PIEZO2: variants seen among roughly 807,000 people sequenced by gnomAD.
PIEZO2 encodes the protein piezo-type mechanosensitive ion channel component 2.
A neutral mutation model predicts 337.3 loss-of-function variants in PIEZO2; 172 were observed. The ratio of observed to expected loss-of-function variants is 0.51; its 90% CI spans 0.45 to 0.58. PIEZO2 has a LOEUF of 0.58. Ranked by LOEUF, PIEZO2 falls within the 20% of genes least tolerant of loss-of-function variation. PIEZO2 has a pLI of 0.00. For missense variants in PIEZO2, 3,028 were observed against 3,391.3 expected (o/e 0.89, Z 2.66); for synonymous variants, 1,251 against 1,228.5 (o/e 1.02, Z -0.38).
At position 10,830,620 on chromosome 18, in the gene PIEZO2, C is replaced by T. The variant is rs2040818104; in HGVS notation, c.918-23346G>A. On this transcript the variant is annotated intron_variant, in intron 7 of 55. Coordinates refer to ENST00000674853, the MANE Select transcript of PIEZO2 (RefSeq NM_001378183.1). The surrounding 1 kb of genome is among the most constrained non-coding windows in gnomAD (Gnocchi z 4.7). ...AAAATCTCCAGGACATTGGTCTGGG[C>T]AAAGATTTCTTGGGTAATACCTGAA... 3.9e-5 allele frequency among the ~76,000 whole-genome samples: 6 copies of T among 152,148 alleles called. No individual in the cohort carries two copies. Among genetic ancestry groups the T allele is most frequent in the Admixed American group, 3.9e-4 (6 of 15,278 alleles).
At position 10,916,475 on chromosome 18, in the gene PIEZO2, C is replaced by T. The variant is rs550114439; in HGVS notation, c.287-5247G>A. On this transcript the variant is annotated intron_variant, in intron 3 of 55. Coordinates refer to ENST00000674853, the MANE Select transcript of PIEZO2 (RefSeq NM_001378183.1). ...GGTGAGAATTTGAGCATGGCGCTGG[C>T]GGCCCAGGAGTGCTGGGGGACCCAG... 8.5e-5 allele frequency among the ~76,000 whole-genome samples: 13 copies of T among 152,298 alleles called. No individual in the cohort carries two copies. The East Asian group carries it at 1.7e-3, about 20-fold the overall frequency.
chr18:10,689,545 G>C, intron 49 of PIEZO2, 110 bp downstream of exon 49: 1 of 1,410,896 alleles, frequency 7.1e-7, no homozygotes, highest in Non-Finnish European at 9.9e-7. Flanking sequence ...ATAGGTTGTG[G>C]TAGTTTTTGC....
intron 7 of PIEZO2, among the ~76,000 whole-genome samples, chr18:10,823,800 T>C (rs1304123879): frequency 6.6e-6 from 1 of 152,216 alleles, no homozygotes; most frequent in Non-Finnish European, 1.5e-5. Flanking sequence ...GAATGGTGAA[T>C]GGCTTTCCAT....
chr18:10,836,365 A>G (rs923363351), intron 7 of PIEZO2, among the ~76,000 whole-genome samples: 1 of 152,156 alleles, frequency 6.6e-6, no homozygotes, highest in African/African-American at 2.4e-5. Context: ...GATGAAAAAA[A>G]TGTTAGCAAT....
intron 11 of PIEZO2, among the ~76,000 whole-genome samples, chr18:10,798,120 C>A (rs541271745): frequency 2.0e-5 from 3 of 152,212 alleles, no homozygotes; most frequent in East Asian, 1.9e-4. Flanking sequence ...GATTCTCCCC[C>A]TCTCCGACAA....
chr18:10,902,015 CA>C (rs1414889296), intron 4 of PIEZO2, among the ~76,000 whole-genome samples: 1 of 152,104 alleles, frequency 6.6e-6, no homozygotes, highest in Non-Finnish European at 1.5e-5. Context: ...AGAGACGGGT[CA>C]CACAGCAAGA....
At chr18:10,866,359 C>T (rs1051235260) in intron 5 of PIEZO2, among the ~76,000 whole-genome samples, 2 of 151,166 alleles carry the variant, frequency 1.3e-5, no homozygotes, top group Non-Finnish European at 2.9e-5. Context: ...GACCTTGGCT[C>T]ACTGCAACCT....
intron 3 of PIEZO2, among the ~76,000 whole-genome samples, chr18:10,931,725 A>T (rs1357612333): frequency 4.0e-5 from 6 of 150,642 alleles, no homozygotes; most frequent in East Asian, 1.9e-4. Context: ...AGAGAGAGAG[A>T]GAGAGAGAGA....
intron 2 of PIEZO2, among the ~76,000 whole-genome samples, chr18:11,018,793 T>C (rs1015224023): frequency 6.6e-6 from 1 of 152,214 alleles, no homozygotes; most frequent in Non-Finnish European, 1.5e-5. Context: ...TGAGTGGATA[T>C]GTGAGTCCAC....
rs2041518014 is a variant in PIEZO2, at chr18:10,850,635, G to T, written c.917+4718C>A. ...GCTACACAATCACTTTGCACTCTAT[G>T]AAAATTACATTTTAGAACATTTTAT... is the stretch of plus-strand genomic sequence containing the variant. On this transcript the variant is annotated intron_variant, in intron 7 of 55. Coordinates refer to ENST00000674853, the MANE Select transcript of PIEZO2 (RefSeq NM_001378183.1). The surrounding 1 kb of genome is among the most constrained non-coding windows in gnomAD (Gnocchi z 4.5). Among the ~76,000 whole-genome samples, 1 of 152,130 alleles carries T rather than the reference G, an allele frequency of 6.6e-6. No individual in the cohort carries two copies. Among genetic ancestry groups the T allele is most frequent in the Admixed American group, 6.6e-5 (1 of 15,264 alleles).
At chr18:10,925,552 A>ATAAATAATAAT (rs1242416611) in intron 3 of PIEZO2, among the ~76,000 whole-genome samples, 3 of 152,214 alleles carry the variant, frequency 2.0e-5, no homozygotes, top group Non-Finnish European at 4.4e-5. Context: ...ATAAATGTCA[A>ATAAATAATAAT]AATGCAAGGG....
Position 10,830,588 on chromosome 18 carries a change from A to G in PIEZO2, c.918-23314T>C, listed in dbSNP as rs1415427568. Reference sequence around the variant, plus strand: ...AGCTATAAAACTACTAAAAGAAAACATTGGGAAAAATCTCCAGGACATTGG... The same window carrying G: ...AGCTATAAAACTACTAAAAGAAAACGTTGGGAAAAATCTCCAGGACATTGG... On this transcript the variant is annotated intron_variant, in intron 7 of 55. Coordinates refer to ENST00000674853, the MANE Select transcript of PIEZO2 (RefSeq NM_001378183.1). This position sits in a 1 kb window ranked among gnomAD's most constrained non-coding sequence, Gnocchi z 4.7. Among the ~76,000 whole-genome samples, 1 of 152,158 alleles carries G rather than the reference A, an allele frequency of 6.6e-6. No homozygotes were observed. Among genetic ancestry groups the G allele is most frequent in the Non-Finnish European group, 1.5e-5 (1 of 68,028 alleles).
At chr18:10,920,871 G>A (rs766201783) in intron 3 of PIEZO2, among the ~76,000 whole-genome samples, 18 of 152,052 alleles carry the variant, frequency 1.2e-4, no homozygotes, top group Non-Finnish European at 2.2e-4. Context: ...TGGCCAATGT[G>A]GTGAAACACT....
chr18:10,676,507 AAT>A lies in PIEZO2; in HGVS notation c.8082-1221_8082-1220del, dbSNP rs1206740007. 2.6e-5 allele frequency among the ~76,000 whole-genome samples: 4 copies of A among 152,200 alleles called. No individual in the cohort carries two copies. The highest frequency in any genetic ancestry group is 7.2e-5 in the African/African-American group (3 of 41,438). On this transcript the variant is annotated intron_variant, in intron 53 of 55. Transcript: ENST00000674853. The surrounding 1 kb of genome is among the most constrained non-coding windows in gnomAD (Gnocchi z 5.1). ...GGCAGGATAGTATTTTGAGATATAT[AAT>A]ATGTTTTTTTCCAAATTTCCTTTTA...
intron 2 of PIEZO2, among the ~76,000 whole-genome samples, chr18:11,019,115 C>T (rs1468991931): frequency 6.6e-6 from 1 of 152,178 alleles, no homozygotes; most frequent in African/African-American, 2.4e-5. Flanking sequence ...CCACTTTCCA[C>T]TGATGTCTCC....
intron 36 of PIEZO2, 59 bp from the exon 37 acceptor site, chr18:10,718,318 A>G (rs2036098788): frequency 3.0e-6 from 4 of 1,348,800 alleles, no homozygotes; most frequent in South Asian, 2.5e-5. Context: ...TTAAATGCCA[A>G]TGTTACTCTT....
At position 10,982,823 on chromosome 18, in the gene PIEZO2, C is replaced by T. The variant is rs554457819; in HGVS notation, c.161-3163G>A. Among the ~76,000 whole-genome samples, 8 of 152,106 alleles carry T rather than the reference C, an allele frequency of 5.3e-5. No homozygotes were observed. Among genetic ancestry groups the T allele is most frequent in the Middle Eastern group, 3.4e-3 (1 of 294 alleles). On this transcript the variant is annotated intron_variant, in intron 2 of 55. Coordinates refer to ENST00000674853, the MANE Select transcript of PIEZO2 (RefSeq NM_001378183.1). The surrounding 1 kb of genome is among the most constrained non-coding windows in gnomAD (Gnocchi z 4.1). ...GCAACTTCCACCTCCCAGGTTCAAG[C>T]GATTCTTGTGCCTCAGCCTTCTGAG...
intron 4 of PIEZO2, among the ~76,000 whole-genome samples, chr18:10,902,127 A>G (rs2043065147): frequency 6.6e-6 from 1 of 152,220 alleles, no homozygotes; most frequent in Non-Finnish European, 1.5e-5. Flanking sequence ...CAAGGGATCT[A>G]GGTTGCATGC....
intron 36 of PIEZO2, among the ~76,000 whole-genome samples, chr18:10,730,980 C>T (rs1456323424): frequency 6.6e-6 from 1 of 152,156 alleles, no homozygotes; most frequent in African/African-American, 2.4e-5. Flanking sequence ...CTCGCCTTGG[C>T]CTCCCAAAGT....
Sources: gnomAD v4.1 joint callset for allele counts (sites outside exome capture counted in the v4.1 genomes callset) on GRCh38, gnomAD v4.1.1 for gene constraint, Gnocchi (gnomAD v3.1) non-coding constraint, MANE v1.5 for transcripts, NCBI Gene and HGNC (gene_info 2026-07-23, HGNC 2026-07-21) for gene names.